RAP1A: variants seen among roughly 807,000 people sequenced by gnomAD.
RAP1A encodes RAP1A, member of RAS oncogene family.
In RAP1A, 6 loss-of-function variants were observed where a neutral mutation model predicts 26.4. The ratio of observed to expected loss-of-function variants is 0.23; its 90% CI spans 0.12 to 0.45. The LOEUF is 0.45. Among genes scored for constraint, RAP1A ranks in the 20% least tolerant of loss-of-function variants. RAP1A has a pLI of 0.99. For synonymous variants in RAP1A, 73 were observed against 79.4 expected (o/e 0.92, Z 0.43); for missense variants, 121 against 217.2 (o/e 0.56, Z 2.78).
intron 1 of RAP1A, among the ~76,000 whole-genome samples, chr1:111,652,536 A>C (rs577798549): frequency 6.6e-6 from 1 of 152,238 alleles, no homozygotes; most frequent in South Asian, 2.1e-4. Flanking sequence ...TATGTGGCTC[A>C]CAAAGCATAA....
chr1:111,618,306 A>G (rs1659058095), upstream of RAP1A, among the ~76,000 whole-genome samples: 1 of 152,150 alleles, frequency 6.6e-6, no homozygotes, highest in Non-Finnish European at 1.5e-5. Context: ...CCAGTGTTCA[A>G]ATTCTCAGTC....
At chr1:111,557,486 GT>G (rs987373348) in intron 1 of RAP1A, among the ~76,000 whole-genome samples, 2 of 151,268 alleles carry the variant, frequency 1.3e-5, no homozygotes, top group African/African-American at 4.9e-5. Context: ...GGAGGAGGAG[GT>G]TGCAGTGAGC....
At chr1:111,662,132 A>C (rs1166939787) in intron 1 of RAP1A, among the ~76,000 whole-genome samples, 2 of 152,114 alleles carry the variant, frequency 1.3e-5, no homozygotes, top group Non-Finnish European at 2.9e-5. Context: ...GTGGTGGCTC[A>C]CGCCTGTAAT....
intron 1 of RAP1A, among the ~76,000 whole-genome samples, chr1:111,629,912 G>A (rs1263891830): frequency 1.3e-5 from 2 of 152,188 alleles, no homozygotes; most frequent in African/African-American, 2.4e-5. Context: ...TTGTCCAGCA[G>A]AATCTGAACT....
intron 1 of RAP1A, among the ~76,000 whole-genome samples, chr1:111,610,567 C>CAG (rs1658908905): frequency 6.6e-6 from 1 of 151,454 alleles, no homozygotes; most frequent in Non-Finnish European, 1.5e-5. Flanking sequence ...CACACACACA[C>CAG]ACACACACAC....
chr1:111,590,823 T>C (rs72695256), intron 1 of RAP1A, among the ~76,000 whole-genome samples: 20,962 of 152,186 alleles, frequency 0.14, 1,785 homozygotes, highest in East Asian at 0.17. Context: ...TTGTTTAGAA[T>C]TTTTACTTCT....
At chr1:111,620,195 C>T (rs1220501590) in intron 1 of RAP1A, among the ~76,000 whole-genome samples, 3 of 152,166 alleles carry the variant, frequency 2.0e-5, no homozygotes, top group African/African-American at 7.2e-5. Flanking sequence ...TGCGGGAGAC[C>T]GTCGGGAGGG....
At chr1:111,645,237 A>G (rs1026292955) in intron 1 of RAP1A, among the ~76,000 whole-genome samples, 2 of 152,230 alleles carry the variant, frequency 1.3e-5, no homozygotes, top group Admixed American at 1.3e-4. Context: ...GCTTGTAGGA[A>G]TTGCAGGGGA....
chr1:111,695,180 G>A (rs187502373), intron 2 of RAP1A, among the ~76,000 whole-genome samples, 161 bp from the exon 3 acceptor site: 2 of 143,594 alleles, frequency 1.4e-5, no homozygotes, highest in Non-Finnish European at 3.0e-5. Context: ...CTTAGTTATG[G>A]ATGTATCCTT....
At chr1:111,679,632 C>T (rs1453381287) in intron 1 of RAP1A, among the ~76,000 whole-genome samples, 1 of 152,164 alleles carries the variant, frequency 6.6e-6, no homozygotes, top group Non-Finnish European at 1.5e-5. Context: ...GTCCCAACCC[C>T]ATGGAGTCCA....
intron 1 of RAP1A, among the ~76,000 whole-genome samples, chr1:111,643,809 A>G (rs1209616357): frequency 6.6e-6 from 1 of 152,238 alleles, no homozygotes; most frequent in Non-Finnish European, 1.5e-5. Context: ...ACACATTCAC[A>G]TACCATACAC....
At chr1:111,633,243 T>C (rs2101107011) in intron 1 of RAP1A, among the ~76,000 whole-genome samples, 1 of 152,342 alleles carries the variant, frequency 6.6e-6, no homozygotes. Context: ...TATGTCAGCT[T>C]TAGACTGCCC....
intron 1 of RAP1A, chr1:111,648,602 C>T: frequency 5.7e-6 from 3 of 527,420 alleles, no homozygotes; most frequent in South Asian, 5.2e-5. Context: ...AGAGGGCCTC[C>T]ACCTCCCTCA....
At chr1:111,668,927 G>A (rs138417362) in intron 1 of RAP1A, among the ~76,000 whole-genome samples, 42 of 151,722 alleles carry the variant, frequency 2.8e-4, no homozygotes, top group African/African-American at 9.9e-4. Context: ...CTACTTGGGA[G>A]GTTGAGGTAT....
intron 1 of RAP1A, among the ~76,000 whole-genome samples, chr1:111,549,368 G>T (rs1399854436): frequency 1.3e-5 from 2 of 149,292 alleles, no homozygotes; most frequent in Non-Finnish European, 3.0e-5. Flanking sequence ...ACATGGTCGG[G>T]CTGGGCACGG....
rs776255293 is a variant in RAP1A at position 111,675,484 on chromosome 1, C to G, written c.-27-15850C>G. Among the ~76,000 whole-genome samples, 16 of 116,220 alleles carry G rather than the reference C, an allele frequency of 1.4e-4. 1 individual carries two copies. Among genetic ancestry groups the G allele is most frequent in the South Asian group, 6.1e-4 (2 of 3,302 alleles). 76.2% of individuals were successfully genotyped at this position (116,220 alleles called of 152,430 possible). A position where few individuals can be genotyped will look rare whatever the true frequency, so the allele number is the denominator to read the frequency against. Reference sequence around the variant, plus strand: ...GAGACTCTGTCTAAAAAAAACAAAACAAAAAAAACAGCCTGGAGTCTCCTC... The same window carrying G: ...GAGACTCTGTCTAAAAAAAACAAAAGAAAAAAAACAGCCTGGAGTCTCCTC... On this transcript the variant is annotated intron_variant, in intron 1 of 7. Coordinates refer to ENST00000369709, the MANE Select transcript of RAP1A (RefSeq NM_002884.4).
At chr1:111,635,658 A>G (rs953181728) in intron 1 of RAP1A, among the ~76,000 whole-genome samples, 3 of 152,046 alleles carry the variant, frequency 2.0e-5, no homozygotes, top group Non-Finnish European at 4.4e-5. Flanking sequence ...CTCTGCCTGC[A>G]GGGTTCAAGC....
chr1:111,599,600 C>T (rs561814350), intron 1 of RAP1A: 2 of 152,348 alleles, frequency 1.3e-5, no homozygotes, highest in East Asian at 3.9e-4. Context: ...AGTCTCAACC[C>T]TCTAATTATG....
At position 111,697,500 on chromosome 1, in the gene RAP1A, A is replaced by G. The variant is rs1052085349; in HGVS notation, c.183+3A>G. On this transcript the variant is annotated splice_donor_region_variant and intron_variant, in intron 4 of 7. Transcript: ENST00000369709. The stretch of plus-strand genomic sequence containing the variant: ...AAATCCTGGATACTGCAGGGACAGT[A>G]AGGATGTTTTCTCTTTTTTTGATAG... 5 of 1,611,584 alleles carry G rather than the reference A, an allele frequency of 3.1e-6. No individual in the cohort carries two copies. The highest frequency in any genetic ancestry group is 4.2e-6 in the Non-Finnish European group (5 of 1,178,950).
Sources: allele counts gnomAD v4.1 joint callset (sites outside exome capture counted in the v4.1 genomes callset), GRCh38; gene constraint gnomAD v4.1.1; transcripts MANE v1.5; gene names NCBI Gene and HGNC (gene_info 2026-07-23, HGNC 2026-07-21).